FAM227A: variants seen among roughly 807,000 people sequenced by gnomAD.
The protein encoded by FAM227A is family with sequence similarity 227 member A.
A neutral mutation model predicts 74.7 loss-of-function variants in FAM227A; 80 were observed. The observed-to-expected ratio is 1.07, with a 90% CI of 0.89 to 1.29. The LOEUF (loss-of-function observed/expected upper bound fraction) is 1.29, where lower values mean the gene tolerates loss of function less well. Among genes scored for constraint, FAM227A ranks in the 50% most tolerant of loss-of-function variants. The pLI, the probability that FAM227A is intolerant of heterozygous loss-of-function variation, is 0.00. For missense variants in FAM227A, 654 were observed against 683.4 expected, an observed-to-expected ratio of 0.96 and a Z score of 0.48; for synonymous variants, 237 against 241.8, an observed-to-expected ratio of 0.98 and a Z score of 0.19.
chr22:38,634,950 A>T (rs537875968), intron 6 of FAM227A, among the ~76,000 whole-genome samples: 10 of 152,212 alleles, frequency 6.6e-5, no homozygotes, highest in Non-Finnish European at 1.5e-4. Flanking sequence ...AGAAGCCATG[A>T]AGAAGAGAGG....
chr22:38,655,688 T>G (rs906410788), intron 1 of FAM227A, among the ~76,000 whole-genome samples: 1 of 152,180 alleles, frequency 6.6e-6, no homozygotes, highest in African/African-American at 2.4e-5. Flanking sequence ...AAATTCCAAA[T>G]CACATATGTG....
chr22:38,623,404 T>C, intron 9 of FAM227A, 125 bp from the exon 10 acceptor site: 1 of 597,548 alleles, frequency 1.7e-6, no homozygotes, highest in South Asian at 2.2e-5. Flanking sequence ...GGCAACATAG[T>C]GGGACTCCGT....
chr22:38,609,703 T>G (rs2091369752), intron 11 of FAM227A, among the ~76,000 whole-genome samples: 1 of 152,096 alleles, frequency 6.6e-6, no homozygotes, highest in Non-Finnish European at 1.5e-5. Context: ...TTTATAGTGT[T>G]GAGGTGGTTG....
At chr22:38,639,753 T>C in intron 3 of FAM227A, 29 bp from the exon 4 acceptor site, 1 of 1,438,730 alleles carries the variant, frequency 7.0e-7, no homozygotes, top group Non-Finnish European at 9.6e-7. Flanking sequence ...AGGGGGGCAT[T>C]AGGGATTAAT....
chr22:38,630,842 C>T (rs60696943), intron 6 of FAM227A, among the ~76,000 whole-genome samples: 1 of 152,114 alleles, frequency 6.6e-6, no homozygotes, highest in African/African-American at 2.4e-5. Context: ...ATCTCATCTG[C>T]GCTTCAGGTC....
At chr22:38,606,457 G>A (rs886134542) in intron 12 of FAM227A, among the ~76,000 whole-genome samples, 3 of 152,070 alleles carry the variant, frequency 2.0e-5, no homozygotes, top group Non-Finnish European at 4.4e-5. Flanking sequence ...TGTAATGTAC[G>A]CAACTAATCC....
chr22:38,628,809 G>T, intron 7 of FAM227A, 25 bp downstream of exon 7: 2 of 1,300,126 alleles, frequency 1.5e-6, no homozygotes, highest in Non-Finnish European at 2.2e-6. Context: ...AAGCAAGGCA[G>T]AGAAACAAGC....
intron 11 of FAM227A, among the ~76,000 whole-genome samples, chr22:38,611,696 T>C (rs1204058694): frequency 6.6e-6 from 1 of 152,184 alleles, no homozygotes; most frequent in Non-Finnish European, 1.5e-5. Flanking sequence ...AGGCCAGCAC[T>C]GTACCCCAGT....
At chr22:38,647,058 G>A (rs2092252629) in intron 2 of FAM227A, among the ~76,000 whole-genome samples, 1 of 152,120 alleles carries the variant, frequency 6.6e-6, no homozygotes, top group Non-Finnish European at 1.5e-5. Flanking sequence ...GCTCAGGCAG[G>A]AGAATCGCTT....
rs774582762 is a variant in FAM227A at position 38,656,350 on chromosome 22, C to A, written c.-325G>T. ...AACGCCGGCGCGGTCTCCACTTTCC[C>A]GTTTAGCATAACAATGGAACCTTCG... On this transcript the variant is annotated 5_prime_UTR_variant, in exon 1 of 17. Transcript: ENST00000535113. 2 of 152,276 alleles carry A rather than the reference C, an allele frequency of 1.3e-5. No individual in the cohort carries two copies. Among genetic ancestry groups the A allele is most frequent in the Non-Finnish European group, 2.9e-5 (2 of 68,076 alleles). 9.4% of individuals were successfully genotyped at this position (152,276 alleles called of 1,614,324 possible).
chr22:38,597,177 C>T (rs758245937), intron 15 of FAM227A, 27 bp downstream of exon 15: 43 of 1,549,706 alleles, frequency 2.8e-5, no homozygotes, highest in Non-Finnish European at 3.6e-5. Flanking sequence ...TGCGGAACAA[C>T]GGCATTCCCC....
At chr22:38,591,255 T>C (rs183008465) in intron 16 of FAM227A, 180 bp downstream of exon 16, 79 of 1,208,470 alleles carry the variant, frequency 6.5e-5, no homozygotes, top group Middle Eastern at 6.1e-4. Context: ...GCCCAGGAGG[T>C]GGAGGCTGCA....
chr22:38,591,275 G>C, intron 16 of FAM227A, 160 bp downstream of exon 16: 1 of 1,322,674 alleles, frequency 7.6e-7, no homozygotes, highest in Admixed American at 3.4e-5. Context: ...AGTGAGCTAT[G>C]ATGGCACCAC....
chr22:38,628,052 G>T (rs1366715755), intron 8 of FAM227A, among the ~76,000 whole-genome samples, 186 bp downstream of exon 8: 1 of 151,494 alleles, frequency 6.6e-6, no homozygotes, highest in Non-Finnish European at 1.5e-5. Flanking sequence ...ATATATCATT[G>T]CATCTCCCGA....
At chr22:38,622,657 T>C (rs1041395115) in intron 10 of FAM227A, among the ~76,000 whole-genome samples, 2 of 151,844 alleles carry the variant, frequency 1.3e-5, no homozygotes, top group African/African-American at 2.4e-5. Flanking sequence ...GGGTAGATCA[T>C]TTGAGGTCAG....
chr22:38,588,596 G>A (rs1468600136), intron 16 of FAM227A, among the ~76,000 whole-genome samples: 2 of 133,096 alleles, frequency 1.5e-5, no homozygotes, highest in African/African-American at 2.9e-5. Context: ...TCCAGCCTGG[G>A]TAACAGAGTG....
In FAM227A at chr22:38,582,357, T is replaced by C. The variant is rs1363828638; in HGVS notation, c.*3768A>G. ...ACTTCATCTCTTCTAGTTTAACATC[T>C]GAATTTATCTTCTTCCATGCTGAGA... On this transcript the variant is annotated 3_prime_UTR_variant, in exon 17 of 17. Transcript: ENST00000535113. The C allele has an allele frequency of 6.5e-7, 1 of 1,550,372 alleles. No individual in the cohort carries two copies. Among genetic ancestry groups the C allele is most frequent in the East Asian group, 2.4e-5 (1 of 40,904 alleles).
At chr22:38,605,586 C>A (rs542759569) in intron 12 of FAM227A, among the ~76,000 whole-genome samples, 8 of 152,102 alleles carry the variant, frequency 5.3e-5, no homozygotes, top group Non-Finnish European at 1.0e-4. Context: ...CACTGTGCCC[C>A]GCTAAAGCAG....
chr22:38,613,272 TTA>T (rs2091480726), intron 11 of FAM227A, among the ~76,000 whole-genome samples: 1 of 72,666 alleles, frequency 1.4e-5, no homozygotes. Context: ...ATAACATATA[TTA>T]TATATCATAT....
Sources: allele counts gnomAD v4.1 joint callset (sites outside exome capture counted in the v4.1 genomes callset), GRCh38; gene constraint gnomAD v4.1.1; transcripts MANE v1.5; gene names NCBI Gene and HGNC (gene_info 2026-07-23, HGNC 2026-07-21).